Variants in EIF4ENIF1 observed in about 807,000 individuals in gnomAD.
The protein encoded by EIF4ENIF1 is eukaryotic translation initiation factor 4E transporter.
In EIF4ENIF1, 23 loss-of-function variants were observed where a neutral mutation model predicts 110.5. That is an observed-to-expected ratio of 0.21 (90% CI 0.15 to 0.29). The LOEUF (loss-of-function observed/expected upper bound fraction) is 0.29, where lower values mean the gene tolerates loss of function less well. Ranked by LOEUF, EIF4ENIF1 falls within the 10% of genes least tolerant of loss-of-function variation. The pLI, the probability that EIF4ENIF1 is intolerant of heterozygous loss-of-function variation, is 1.00. For synonymous variants in EIF4ENIF1, 440 were observed against 437.0 expected, an observed-to-expected ratio of 1.01 and a Z score of -0.09; for missense variants, 1,031 against 1,221.1, an observed-to-expected ratio of 0.84 and a Z score of 2.32.
chr22:31,441,147 C>A (rs184540174), intron 17 of EIF4ENIF1, among the ~76,000 whole-genome samples: 1 of 152,078 alleles, frequency 6.6e-6, no homozygotes, highest in African/African-American at 2.4e-5. Context: ...CCCAGCTACT[C>A]GGAAGGCTGA....
intron 17 of EIF4ENIF1, 25 bp from the exon 18 acceptor site, chr22:31,440,893 C>T: frequency 6.2e-7 from 1 of 1,613,088 alleles, no homozygotes; most frequent in East Asian, 2.2e-5. Context: ...AAGCAAGCAG[C>T]TGAGTAGTCT....
intron 2 of EIF4ENIF1, among the ~76,000 whole-genome samples, chr22:31,476,611 T>C (rs1234187358): frequency 6.6e-6 from 1 of 152,112 alleles, no homozygotes; most frequent in Non-Finnish European, 1.5e-5. Context: ...TAGGAAAATA[T>C]GGGCTGGGCA....
At chr22:31,465,760 GA>G (rs1405916803) in intron 4 of EIF4ENIF1, among the ~76,000 whole-genome samples, 1 of 152,124 alleles carries the variant, frequency 6.6e-6, no homozygotes, top group Non-Finnish European at 1.5e-5. Flanking sequence ...TCAAAAACTG[GA>G]AACAACCCAA....
In EIF4ENIF1 at chr22:31,447,582, G is replaced by A; in HGVS notation, c.1849-17C>T. Reference sequence around the variant, plus strand: ...CTGGCTCATCTGCTGAAAAGGAGAGGGGAGGGTCAGGAGAAGAGTAAGGAC... The same window carrying A: ...CTGGCTCATCTGCTGAAAAGGAGAGAGGAGGGTCAGGAGAAGAGTAAGGAC... On this transcript the variant is annotated splice_polypyrimidine_tract_variant and intron_variant, in intron 13 of 18. Transcript: ENST00000330125. 2.5e-6 allele frequency: 4 copies of A among 1,591,910 alleles called. No homozygotes were observed. The highest frequency in any genetic ancestry group is 1.3e-5 in the African/African-American group (1 of 74,334).
In EIF4ENIF1 at chr22:31,440,033, G is replaced by A. The variant is rs2047528651; in HGVS notation, c.2805C>T (p.Pro935=). Residue 935 remains proline, a synonymous_variant, in exon 19 of 19, where the codon CCC becomes CCT. Transcript: ENST00000330125. The part of the protein sequence containing the change: ...PQNVPSRSGL[P]HMHSQLEHRP... ...GATGCTCCAGCTGGGAGTGCATGTG[G>A]GGCAGGCCTGACCGGCTGGGCACGT... 4 of 1,614,052 alleles carry A rather than the reference G, an allele frequency of 2.5e-6. No homozygotes were observed. The highest frequency in any genetic ancestry group is 3.4e-6 in the Non-Finnish European group (4 of 1,179,956).
Position 31,463,660 on chromosome 22 carries a change from A to G in EIF4ENIF1, c.585+21T>C, listed in dbSNP as rs767250272. 4.7e-6 allele frequency: 7 copies of G among 1,498,768 alleles called. No homozygotes were observed. In the East Asian group the frequency reaches 1.4e-4, roughly 31 times the overall value. The allele number at this position is 1,498,768 out of a possible 1,614,324, so 92.8% of individuals were successfully genotyped here. ...AAACTCCGTCTCAATTTAAAAAAAA[A>G]AAAAAAAAAAAAAGACAAACCCTGA... On this transcript the variant is annotated intron_variant, in intron 5 of 18. Coordinates refer to ENST00000330125, the MANE Select transcript of EIF4ENIF1 (RefSeq NM_019843.4).
chr22:31,487,405 G>A (rs1569111674), intron 2 of EIF4ENIF1, among the ~76,000 whole-genome samples: 1 of 152,196 alleles, frequency 6.6e-6, no homozygotes, highest in Non-Finnish European at 1.5e-5. Context: ...ACTTTATCAA[G>A]TAGGTAAGAG....
rs373835294 is a variant in EIF4ENIF1, at chr22:31,458,586, C to T, written c.852G>A (p.Glu284=). 6.2e-7 allele frequency: 1 copy of T among 1,613,796 alleles called. No homozygotes were observed. Among genetic ancestry groups the T allele is most frequent in the Non-Finnish European group, 8.5e-7 (1 of 1,179,826 alleles). Residue 284 remains glutamate (E), a synonymous_variant, in exon 7 of 19, where the codon GAG becomes GAA. Coordinates refer to ENST00000330125, the MANE Select transcript of EIF4ENIF1 (RefSeq NM_019843.4). The stretch of plus-strand genomic sequence containing the variant: ...TTGGCACTTCCTGATCAGCCGCAGG[C>T]TCCTGTGCAAGGATGACCTCCACTT... ...EDEVEVILAQ[E]PAADQEVPRD... is the part of the protein sequence containing the mutation.
In EIF4ENIF1 at chr22:31,463,877, G is replaced by T; in HGVS notation, c.389C>A (p.Ala130Asp). ...SFGGGCHVTA[A>D]VSSRRSGSPL... ...ACTTCCTGAGCGCCGGGAGCTAACA[G>T]CGGCTGTCACGTGGCAGCCCCCTCC... The change falls in exon 5 of 19, where the codon GCT becomes GAT. Residue 130 changes from alanine (A) to aspartate (D), a missense_variant. Ala to Asp is a moderately radical substitution (Grantham distance 126). Around this residue, in one of 3 missense-constraint regions of EIF4ENIF1, gnomAD observed 704 missense variants for 879.7 expected, o/e 0.80. Transcript: ENST00000330125. 6.2e-7 allele frequency: 1 copy of T among 1,614,144 alleles called. No homozygotes were observed. The highest frequency in any genetic ancestry group is 8.5e-7 in the Non-Finnish European group (1 of 1,180,034).
chr22:31,448,696 T>C (rs2050553933), intron 12 of EIF4ENIF1, among the ~76,000 whole-genome samples: 1 of 152,224 alleles, frequency 6.6e-6, no homozygotes, highest in Admixed American at 6.5e-5. Flanking sequence ...CGACATTCCA[T>C]GTAAATACTT....
At chr22:31,483,599 C>A (rs1190621666) in intron 2 of EIF4ENIF1, among the ~76,000 whole-genome samples, 3 of 152,062 alleles carry the variant, frequency 2.0e-5, no homozygotes, top group African/African-American at 7.2e-5. Context: ...AAGCTCTACT[C>A]CCCAAGTTTC....
In EIF4ENIF1 at chr22:31,463,849, T is replaced by G; in HGVS notation, c.417A>C (p.Pro139=). 1 of 1,614,058 alleles carries G rather than the reference T, an allele frequency of 6.2e-7. No homozygotes were observed. Among genetic ancestry groups the G allele is most frequent in the South Asian group, 1.1e-5 (1 of 91,090 alleles). The change falls in exon 5 of 19, where the codon CCA becomes CCC. Residue 139 remains proline (P), a synonymous_variant. Transcript: ENST00000330125. ...GAAGCCCATCACTATCTTTCTCTAATGGACTTCCTGAGCGCCGGGAGCTAA... is the reference window on the plus strand; with the variant it reads ...GAAGCCCATCACTATCTTTCTCTAAGGGACTTCCTGAGCGCCGGGAGCTAA... ...AAVSSRRSGS[P]LEKDSDGLRL...
rs576203773 is a variant in EIF4ENIF1, at chr22:31,443,754, C to T, written c.2074-660G>A. Among the ~76,000 whole-genome samples the T allele has an allele frequency of 1.8e-3, 272 of 151,170 alleles. 2 individuals carry two copies. The highest frequency in any genetic ancestry group is 6.4e-3 in the African/African-American group (262 of 41,156). ...ACGCAGCAAAGTTATTTTTTTTTTT[C>T]CTTCTTCTCTATCGGCTTTGATTAG... On this transcript the variant is annotated intron_variant, in intron 15 of 18. Transcript: ENST00000330125.
intron 4 of EIF4ENIF1, among the ~76,000 whole-genome samples, chr22:31,466,097 G>A (rs1282191018): frequency 2.6e-5 from 4 of 152,096 alleles, no homozygotes; most frequent in Admixed American, 2.0e-4. Flanking sequence ...CCAACATAGG[G>A]AAACCTTGTC....
intron 1 of EIF4ENIF1, 153 bp from the exon 2 acceptor site, chr22:31,488,898 T>C (rs2146126068): frequency 1.2e-6 from 1 of 816,912 alleles, no homozygotes; most frequent in Non-Finnish European, 1.9e-6. Context: ...AATTAGAACT[T>C]GGAGATAGAA....
intron 2 of EIF4ENIF1, among the ~76,000 whole-genome samples, chr22:31,474,681 A>G (rs1191142341): frequency 6.6e-6 from 1 of 152,116 alleles, no homozygotes; most frequent in Non-Finnish European, 1.5e-5. Flanking sequence ...GGAAATATAC[A>G]CACTTACATA....
chr22:31,439,702 A>G lies in EIF4ENIF1; in HGVS notation c.*178T>C, dbSNP rs2050232582. On this transcript the variant is annotated 3_prime_UTR_variant, in exon 19 of 19. Transcript: ENST00000330125. ...CCTGTATTCAGACAATGTACACTCC[A>G]CTCGACTGGTTAAGATCCTTCCATC... is the stretch of plus-strand genomic sequence containing the variant. The G allele has an allele frequency of 1.2e-6, 1 of 810,454 alleles. No homozygotes were observed. The highest frequency in any genetic ancestry group is 3.1e-5 in the Admixed American group (1 of 32,602). The allele number at this position is 810,454 out of a possible 1,614,324, so 50.2% of individuals were successfully genotyped here. A position where few individuals can be genotyped will look rare whatever the true frequency, so the allele number is the denominator to read the frequency against.
chr22:31,471,893 G>A lies in EIF4ENIF1; in HGVS notation c.121C>T (p.Leu41Phe), dbSNP rs749325862. Residue 41 changes from leucine (L) to phenylalanine (F), a missense_variant, in exon 3 of 19, where the codon CTC becomes TTC. Leu to Phe is a conservative substitution (Grantham distance 22). This residue lies in a region of EIF4ENIF1 where 704 missense variants were observed against 879.7 expected (regional missense o/e 0.80). Coordinates refer to ENST00000330125, the MANE Select transcript of EIF4ENIF1 (RefSeq NM_019843.4). ...TKEELLDIKE[L>F]PHSKQRPSCL... is the part of the protein sequence containing the mutation. ...GAAGGCCTCTGTTTGGAATGGGGGAGTTCTTTTATATCCAAGAGTTCTTCC... is the reference window on the plus strand; with the variant it reads ...GAAGGCCTCTGTTTGGAATGGGGGAATTCTTTTATATCCAAGAGTTCTTCC... 2.5e-6 allele frequency: 4 copies of A among 1,604,210 alleles called. No homozygotes were observed. The highest frequency in any genetic ancestry group is 2.2e-5 in the East Asian group (1 of 44,536).
intron 2 of EIF4ENIF1, among the ~76,000 whole-genome samples, chr22:31,473,063 CT>C (rs36036794): frequency 0.05 from 6,607 of 133,064 alleles, 106 homozygotes; most frequent in African/African-American, 0.056. Context: ...TATGAGCGAG[CT>C]TTTTTTTTTT....
Sources: gnomAD v4.1 joint callset for allele counts (sites outside exome capture counted in the v4.1 genomes callset) on GRCh38, gnomAD v4.1.1 for gene constraint, gnomAD v4.1.1 regional missense constraint, MANE v1.5 for transcripts, NCBI Gene and HGNC (gene_info 2026-07-23, HGNC 2026-07-21) for gene names.